Variants in COL21A1 observed in about 807,000 individuals in gnomAD.
COL21A1 encodes collagen alpha-1(XXI) chain.
COL21A1 carries 149 observed loss-of-function variants against 137.9 expected under a neutral mutation model. The observed-to-expected ratio is 1.08, with a 90% confidence interval of 0.95 to 1.24. The LOEUF is 1.24. COL21A1 is among the 50% of genes most tolerant of loss of function. The pLI, the probability that COL21A1 is intolerant of heterozygous loss-of-function variation, is 0.00. For missense variants in COL21A1, 1,167 were observed against 1,158.4 expected, an observed-to-expected ratio of 1.01 and a Z score of -0.11; for synonymous variants, 456 against 391.5, an observed-to-expected ratio of 1.16 and a Z score of -1.95.
chr6:56,170,635 C>G lies in COL21A1; in HGVS notation c.1026+14G>C. The G allele has an allele frequency of 6.5e-7, 1 of 1,547,220 alleles. No individual in the cohort carries two copies. Among genetic ancestry groups the G allele is most frequent in the East Asian group, 2.3e-5 (1 of 43,650 alleles). ...TGAATATCATAATCATGGTATTATC[C>G]CAGGCATCTTTACCTTAACTTGAGG... is the stretch of plus-strand genomic sequence containing the variant. On this transcript the variant is annotated intron_variant, in intron 5 of 29. Coordinates refer to ENST00000244728, the MANE Select transcript of COL21A1 (RefSeq NM_030820.4).
chr6:56,307,379 A>G (rs1334942126), intron 1 of COL21A1, among the ~76,000 whole-genome samples: 2 of 152,208 alleles, frequency 1.3e-5, no homozygotes, highest in African/African-American at 4.8e-5. Context: ...ACCCAGTTCC[A>G]GCTTCCCAGC....
At chr6:56,281,904 C>T (rs951024156) in intron 1 of COL21A1, among the ~76,000 whole-genome samples, 9 of 152,162 alleles carry the variant, frequency 5.9e-5, no homozygotes, top group Non-Finnish European at 1.0e-4. Context: ...TAGAAAAATA[C>T]ATTCTAAGAA....
At chr6:56,101,297 G>C (rs552918875) in intron 17 of COL21A1, among the ~76,000 whole-genome samples, 175 bp downstream of exon 17, 1 of 152,096 alleles carries the variant, frequency 6.6e-6, no homozygotes, top group Admixed American at 6.5e-5. Flanking sequence ...TTCTAAAAGA[G>C]GATTCAACAT....
Position 56,166,353 on chromosome 6 carries a change from C to T in COL21A1, c.1278+553G>A, listed in dbSNP as rs114545178. 8.5e-3 allele frequency among the ~76,000 whole-genome samples: 1,293 copies of T among 152,054 alleles called. 22 individuals carry two copies. Among genetic ancestry groups the T allele is most frequent in the African/African-American group, 0.03 (1,244 of 41,484 alleles). On this transcript the variant is annotated intron_variant, in intron 7 of 29. Transcript: ENST00000244728. Reference sequence around the variant, plus strand: ...CTGGAATAGTCATAGTCATAGACGACGGGGAAAAACATTACTGACAGGGCG... The same window carrying T: ...CTGGAATAGTCATAGTCATAGACGATGGGGAAAAACATTACTGACAGGGCG...
rs1443326996 is a variant in COL21A1 at position 56,170,805 on chromosome 6, T to C, written c.870A>G (p.Lys290=). 1 of 1,610,662 alleles carries C rather than the reference T, an allele frequency of 6.2e-7. No homozygotes were observed. Among genetic ancestry groups the C allele is most frequent in the South Asian group, 1.1e-5 (1 of 90,780 alleles). ...TCCATAAATCCCAAATTTTCTTGAC[T>C]TTAAATCTTTGAGTAGACACAAATA... ...SYVFVSTQRF[K]VKKIWDLWRI... The change falls in exon 5 of 30, where the codon AAA becomes AAG. Residue 290 remains lysine, a synonymous_variant. Coordinates refer to ENST00000244728, the MANE Select transcript of COL21A1 (RefSeq NM_030820.4).
chr6:56,141,387 A>G (rs1561910073), intron 12 of COL21A1, among the ~76,000 whole-genome samples: 1 of 152,212 alleles, frequency 6.6e-6, no homozygotes, highest in Non-Finnish European at 1.5e-5. Flanking sequence ...AATCTAAAAA[A>G]TGTGGCTGAG....
At chr6:56,304,210 C>T (rs961532474) in intron 1 of COL21A1, among the ~76,000 whole-genome samples, 17 of 151,942 alleles carry the variant, frequency 1.1e-4, no homozygotes, top group Non-Finnish European at 1.9e-4. Context: ...TGTTGTGTCT[C>T]TGCCCAGCTT....
chr6:56,344,691 T>G (rs1051184805), intron 1 of COL21A1, among the ~76,000 whole-genome samples: 11 of 151,934 alleles, frequency 7.2e-5, no homozygotes, highest in Non-Finnish European at 1.0e-4. Flanking sequence ...ACAGGCCTGG[T>G]GGGGAGGTGA....
At chr6:56,121,003 C>T (rs896544337) in intron 16 of COL21A1, among the ~76,000 whole-genome samples, 3 of 152,182 alleles carry the variant, frequency 2.0e-5, no homozygotes, top group Non-Finnish European at 2.9e-5. Flanking sequence ...GTGGCACATA[C>T]ACACAATGGA....
At chr6:56,319,260 C>G (rs2152341033) in intron 1 of COL21A1, among the ~76,000 whole-genome samples, 1 of 152,206 alleles carries the variant, frequency 6.6e-6, no homozygotes, top group East Asian at 1.9e-4. Context: ...GTTTTCACAC[C>G]TGTCTGGTAG....
chr6:56,290,497 A>AGTTTTTT (rs1410641304), intron 1 of COL21A1, among the ~76,000 whole-genome samples: 1 of 80,478 alleles, frequency 1.2e-5, no homozygotes, highest in African/African-American at 5.4e-5. Context: ...ATCACTTAGG[A>AGTTTTTT]GATTTTTTTT....
chr6:56,175,227 G>A (rs1316906482), intron 3 of COL21A1, among the ~76,000 whole-genome samples: 2 of 152,062 alleles, frequency 1.3e-5, no homozygotes, highest in Non-Finnish European at 2.9e-5. Flanking sequence ...CCTCTAAGAT[G>A]AGGAACAAGA....
At chr6:56,101,624 C>A in intron 16 of COL21A1, 99 bp from the exon 17 acceptor site, 2 of 797,982 alleles carry the variant, frequency 2.5e-6, no homozygotes, top group Non-Finnish European at 4.0e-6. Flanking sequence ...ACATTAAATA[C>A]AAACAGAAAA....
At chr6:56,150,194 C>T (rs1056023301) in intron 10 of COL21A1, among the ~76,000 whole-genome samples, 2 of 152,174 alleles carry the variant, frequency 1.3e-5, no homozygotes, top group Admixed American at 1.3e-4. Flanking sequence ...CCCCTGTCTG[C>T]ACCTCTAGTT....
chr6:56,233,349 C>T (rs947602172), intron 1 of COL21A1, among the ~76,000 whole-genome samples: 19 of 151,678 alleles, frequency 1.3e-4, no homozygotes, highest in African/African-American at 4.4e-4. Context: ...AAACCATGAG[C>T]TCAATGAATA....
chr6:56,382,256 C>G (rs2094009871), intron 1 of COL21A1, among the ~76,000 whole-genome samples: 1 of 152,096 alleles, frequency 6.6e-6, no homozygotes, highest in Non-Finnish European at 1.5e-5. Flanking sequence ...TCTAGTTCAC[C>G]ATTGGTTATT....
At chr6:56,174,942 G>A (rs532184631) in intron 3 of COL21A1, among the ~76,000 whole-genome samples, 119 of 152,026 alleles carry the variant, frequency 7.8e-4, no homozygotes, top group Non-Finnish European at 6.6e-4. Context: ...ACAGCACATC[G>A]AAAACATCAT....
intron 10 of COL21A1, among the ~76,000 whole-genome samples, chr6:56,143,724 A>T (rs545358623): frequency 2.9e-3 from 435 of 152,202 alleles, no homozygotes; most frequent in Non-Finnish European, 5.1e-3. Context: ...CCAACCCATC[A>T]TCTGTTCGCT....
At chr6:56,162,376 A>C (rs1276211579) in intron 9 of COL21A1, among the ~76,000 whole-genome samples, 1 of 152,218 alleles carries the variant, frequency 6.6e-6, no homozygotes, top group East Asian at 1.9e-4. Context: ...ATAGGGCTAG[A>C]TTATGACTAA....
Sources: gnomAD v4.1 joint callset for allele counts (sites outside exome capture counted in the v4.1 genomes callset) on GRCh38, gnomAD v4.1.1 for gene constraint, MANE v1.5 for transcripts, NCBI Gene and HGNC (gene_info 2026-07-23, HGNC 2026-07-21) for gene names.